Variants in RTN4RL1 observed in about 807,000 individuals in gnomAD.
The protein encoded by RTN4RL1 is reticulon 4 receptor like 1, also known as reticulon-4 receptor-like 1.
A neutral mutation model predicts 25.6 loss-of-function variants in RTN4RL1; 7 were observed. The observed-to-expected ratio is 0.27, with a 90% CI of 0.16 to 0.51. RTN4RL1 has a LOEUF of 0.51. Among genes scored for constraint, RTN4RL1 ranks in the 20% least tolerant of loss-of-function variants. The probability of loss-of-function intolerance (pLI) is 0.97; values close to 1 mark genes in which losing one functional copy is unlikely to be tolerated. For missense variants in RTN4RL1, 500 were observed against 615.6 expected (o/e 0.81, Z 1.99); for synonymous variants, 297 against 288.2 (o/e 1.03, Z -0.31).
At position 1,998,928 on chromosome 17, in the gene RTN4RL1, C is replaced by T. The variant is rs971650464; in HGVS notation, c.13+25925G>A. Among the ~76,000 whole-genome samples the T allele has an allele frequency of 3.9e-5, 6 of 152,152 alleles. No individual in the cohort carries two copies. In the East Asian group the frequency reaches 1.2e-3, roughly 29 times the overall value. On this transcript the variant is annotated intron_variant, in intron 1 of 1. Coordinates refer to ENST00000331238, the MANE Select transcript of RTN4RL1 (RefSeq NM_178568.4). The surrounding 1 kb of genome is among the most constrained non-coding windows in gnomAD (Gnocchi z 4.9). ...GCAGAACAGACACAGGCCCTGCCCT[C>T]ACCGAGGGTTCCAGTCGGCTGTGCA... is the stretch of plus-strand genomic sequence containing the variant.
intron 1 of RTN4RL1, among the ~76,000 whole-genome samples, chr17:1,973,601 C>T (rs1351208922): frequency 2.0e-5 from 3 of 152,018 alleles, no homozygotes; most frequent in East Asian, 1.9e-4. Flanking sequence ...AGGTCATGAA[C>T]AGAAAGCAGA....
intron 1 of RTN4RL1, among the ~76,000 whole-genome samples, chr17:2,017,179 T>C (rs895770270): frequency 2.6e-5 from 4 of 152,162 alleles, no homozygotes; most frequent in African/African-American, 7.2e-5. Context: ...CAGAAAGAGA[T>C]AGCAAATCCT....
intron 1 of RTN4RL1, among the ~76,000 whole-genome samples, chr17:1,979,566 A>G (rs1471566267): frequency 6.6e-6 from 1 of 152,194 alleles, no homozygotes; most frequent in African/African-American, 2.4e-5. Flanking sequence ...GCTTTGCCTA[A>G]CTGCCCAACT....
At chr17:1,968,133 T>C (rs1195139001) in intron 1 of RTN4RL1, among the ~76,000 whole-genome samples, 4 of 152,174 alleles carry the variant, frequency 2.6e-5, no homozygotes, top group Non-Finnish European at 5.9e-5. Context: ...GTGCATATAC[T>C]GGTGGCTCCA....
At chr17:1,943,690 T>A (rs1218692314) in intron 1 of RTN4RL1, among the ~76,000 whole-genome samples, 1 of 152,204 alleles carries the variant, frequency 6.6e-6, no homozygotes, top group Non-Finnish European at 1.5e-5. Flanking sequence ...GCACTGTCCC[T>A]CCATGCTGCA....
At chr17:1,962,004 G>A (rs558064278) in intron 1 of RTN4RL1, among the ~76,000 whole-genome samples, 2 of 149,946 alleles carry the variant, frequency 1.3e-5, no homozygotes, top group Non-Finnish European at 3.0e-5. Flanking sequence ...AAAGCAGGCC[G>A]GGCGTGGTGG....
At chr17:1,987,998 C>T (rs1326222254) in intron 1 of RTN4RL1, among the ~76,000 whole-genome samples, 1 of 151,900 alleles carries the variant, frequency 6.6e-6, no homozygotes. Context: ...CCCAGCTACT[C>T]GGGAGGCTGA....
chr17:1,969,886 C>T (rs2066810346), intron 1 of RTN4RL1, among the ~76,000 whole-genome samples: 1 of 152,142 alleles, frequency 6.6e-6, no homozygotes. Context: ...CTGTTGTTCT[C>T]ACTCCAGGTG....
At chr17:1,988,506 CAAA>C (rs777393625) in intron 1 of RTN4RL1, among the ~76,000 whole-genome samples, 1 of 80,472 alleles carries the variant, frequency 1.2e-5, no homozygotes, top group Non-Finnish European at 2.3e-5. Flanking sequence ...GACTCTGTCT[CAAA>C]AAAAAAAAAA....
At chr17:1,949,811 A>G (rs1915637589) in intron 1 of RTN4RL1, among the ~76,000 whole-genome samples, 1 of 152,246 alleles carries the variant, frequency 6.6e-6, no homozygotes, top group South Asian at 2.1e-4. Context: ...GGGTTGAGAT[A>G]GAGACAAAGG....
intron 1 of RTN4RL1, among the ~76,000 whole-genome samples, chr17:1,966,084 C>G (rs369659103): frequency 6.6e-6 from 1 of 152,152 alleles, no homozygotes; most frequent in African/African-American, 2.4e-5. Context: ...AACAGCCCCC[C>G]GCCCACCTCC....
In RTN4RL1 at chr17:1,936,959, C is replaced by T. The variant is rs760742955; in HGVS notation, c.863G>A (p.Arg288Gln). ...CAGCAGCTTCAGGTCCTGGCCGTGC[C>T]GCAGCCCAGGGGACACACAGGGGAC... ...SAVPCVSPGL[R>Q]HGQDLKLLRA... The change falls in exon 2 of 2, where the codon CGG (arginine) becomes CAG (glutamine). Residue 288 changes from arginine (R) to glutamine (Q), a missense_variant. Around this residue, in one of 2 missense-constraint regions of RTN4RL1, gnomAD observed 268 missense variants for 274.5 expected, o/e 0.98. Transcript: ENST00000331238. The T allele has an allele frequency of 2.4e-5, 38 of 1,608,158 alleles. No homozygotes were observed. In the Admixed American group the frequency reaches 2.9e-4, roughly 12 times the overall value.
intron 1 of RTN4RL1, among the ~76,000 whole-genome samples, chr17:1,943,979 G>A (rs77336035): frequency 1.1e-3 from 167 of 152,234 alleles, no homozygotes; most frequent in African/African-American, 3.9e-3. Flanking sequence ...GGGCAGGAGT[G>A]CAGTGGCACA....
intron 1 of RTN4RL1, among the ~76,000 whole-genome samples, chr17:2,007,648 G>A (rs1034237230): frequency 2.3e-4 from 35 of 152,174 alleles, no homozygotes; most frequent in African/African-American, 6.0e-4. Context: ...TTTTGCAGCC[G>A]TTAAAACTGA....
intron 1 of RTN4RL1, among the ~76,000 whole-genome samples, chr17:1,942,263 C>A (rs1171090639): frequency 1.3e-5 from 2 of 152,168 alleles, no homozygotes; most frequent in Non-Finnish European, 2.9e-5. Context: ...TGAGCTCACC[C>A]GCATCTCTGA....
Position 2,010,032 on chromosome 17 carries a change from G to A in RTN4RL1, c.13+14821C>T, listed in dbSNP as rs1204881199. On this transcript the variant is annotated intron_variant, in intron 1 of 1. Transcript: ENST00000331238. The stretch of plus-strand genomic sequence containing the variant: ...GCGCCCTCCCTCACTCCCTCACTTC[G>A]CTTAGGCCTCTGTTCGAATGTCCGT... Among the ~76,000 whole-genome samples the A allele has an allele frequency of 2.3e-5, 3 of 128,798 alleles. 1 individual carries two copies. The highest frequency in any genetic ancestry group is 8.1e-5 in the Admixed American group (1 of 12,336). 84.5% of individuals were successfully genotyped at this position (128,798 alleles called of 152,430 possible).
chr17:1,949,008 G>A (rs1811781702), intron 1 of RTN4RL1, among the ~76,000 whole-genome samples: 1 of 151,970 alleles, frequency 6.6e-6, no homozygotes, highest in South Asian at 2.1e-4. Context: ...CCAGGCTGGA[G>A]TGCAGTGGCA....
At chr17:2,001,069 T>G (rs1332418639) in intron 1 of RTN4RL1, among the ~76,000 whole-genome samples, 5 of 142,230 alleles carry the variant, frequency 3.5e-5, no homozygotes, top group Non-Finnish European at 6.2e-5. Flanking sequence ...TTTTTTTTTG[T>G]AGTGATGGGG....
intron 1 of RTN4RL1, among the ~76,000 whole-genome samples, chr17:1,974,749 G>A (rs1211828446): frequency 2.6e-5 from 4 of 151,956 alleles, no homozygotes; most frequent in East Asian, 1.9e-4. Context: ...AATACCCAGC[G>A]GTCACTCTCC....
Sources: gnomAD v4.1 joint callset for allele counts (sites outside exome capture counted in the v4.1 genomes callset) on GRCh38, gnomAD v4.1.1 for gene constraint, gnomAD v4.1.1 regional missense constraint, Gnocchi (gnomAD v3.1) non-coding constraint, MANE v1.5 for transcripts, NCBI Gene and HGNC (gene_info 2026-07-23, HGNC 2026-07-21) for gene names.